The following TUFM variants were observed in gnomAD, a reference collection of about 807,000 sequenced individuals.
The protein encoded by TUFM is Tu translation elongation factor, mitochondrial.
In TUFM, 23 loss-of-function variants were observed where a neutral mutation model predicts 45.0. That is an observed-to-expected ratio of 0.51 (90% confidence interval 0.37 to 0.72). The LOEUF (loss-of-function observed/expected upper bound fraction) is 0.72. Among genes scored for constraint, TUFM ranks in the 30% least tolerant of loss-of-function variants. The pLI, the probability that TUFM is intolerant of heterozygous loss-of-function variation, is 0.00. For synonymous variants in TUFM, 243 were observed against 252.9 expected, an observed-to-expected ratio of 0.96 and a Z score of 0.37; for missense variants, 490 against 610.7, an observed-to-expected ratio of 0.80 and a Z score of 2.08.
rs983410236 is a variant in TUFM, at chr16:28,846,340, C to G, written c.-71G>C. The G allele has an allele frequency of 2.7e-5, 40 of 1,508,194 alleles. No individual in the cohort carries two copies. Among genetic ancestry groups the G allele is most frequent in the Non-Finnish European group, 3.2e-5 (36 of 1,115,578 alleles). The allele number at this position is 1,508,194 out of a possible 1,614,324, so 93.4% of individuals were successfully genotyped here. A position where few individuals can be genotyped will look rare whatever the true frequency, so the allele number is the denominator to read the frequency against. On this transcript the variant is annotated 5_prime_UTR_variant, in exon 1 of 10. Transcript: ENST00000313511. ...CACAGAAGAAGAAGGGCGCCTGCGG[C>G]TGGAAGGCACTTCCGGCGGAAGTTA...
In TUFM at chr16:28,844,698, C is replaced by T. The variant is rs1480006702; in HGVS notation, c.684G>A (p.Glu228=). ...CTGCCCTGCCTGACCCCGCGTTCACCTCAAGGGCACAGAGAGCAGAGCCTA... is the reference window on the plus strand; with the variant it reads ...CTGCCCTGCCTGACCCCGCGTTCACTTCAAGGGCACAGAGAGCAGAGCCTA... ...VIVGSALCAL[E]GRDPELGLKS... The change falls in exon 5 of 10, where the codon GAG becomes GAA. Residue 228 remains glutamate (E), a splice_region_variant and synonymous_variant. Coordinates refer to ENST00000313511, the MANE Select transcript of TUFM (RefSeq NM_003321.5). This position sits in a 1 kb window ranked among gnomAD's most constrained non-coding sequence, Gnocchi z 5.8. 6.2e-7 allele frequency: 1 copy of T among 1,614,190 alleles called. No individual in the cohort carries two copies. The highest frequency in any genetic ancestry group is 8.5e-7 in the Non-Finnish European group (1 of 1,180,024).
intron 3 of TUFM, 79 bp downstream of exon 3, chr16:28,845,235 T>C: frequency 1.2e-6 from 2 of 1,609,168 alleles, no homozygotes; most frequent in African/African-American, 2.7e-5. Flanking sequence ...AATATCTTAA[T>C]CTCCTCCCCA....
chr16:28,844,038 A>C lies in TUFM; in HGVS notation c.986T>G (p.Val329Gly). The change falls in exon 8 of 10, where the codon GTC becomes GGC. Residue 329 changes from valine (V) to glycine (G), a missense_variant. Physicochemically the swap from Val to Gly is moderately radical, Grantham distance 109. Transcript: ENST00000313511. This position sits in a 1 kb window ranked among gnomAD's most constrained non-coding sequence, Gnocchi z 5.8. ...AEAGDNLGAL[V>G]RGLKREDLRR... ...CAAGTCCTCCCGCTTCAAGCCTCGG[A>C]CCAGGGCCCCGAGGTTATCTCCGGC... 6.2e-7 allele frequency: 1 copy of C among 1,614,180 alleles called. No homozygotes were observed. The highest frequency in any genetic ancestry group is 8.5e-7 in the Non-Finnish European group (1 of 1,180,046).
chr16:28,845,880 A>ACT, intron 2 of TUFM, 32 bp downstream of exon 2: 1 of 1,610,742 alleles, frequency 6.2e-7, no homozygotes, highest in Non-Finnish European at 8.5e-7. Flanking sequence ...ATCAGTAGAT[A>ACT]GGGCGCTGCT....
At position 28,845,409 on chromosome 16, in the gene TUFM, G is replaced by A. The variant is rs772889529; in HGVS notation, c.319C>T (p.Arg107Trp). 12 of 1,613,900 alleles carry A rather than the reference G, an allele frequency of 7.4e-6. No individual in the cohort carries two copies. The highest frequency in any genetic ancestry group is 8.5e-7 in the Non-Finnish European group (1 of 1,179,996). ...EIDNAPEERA[R>W]GITINAAHVE... ...TGAGCCGCATTGATGGTGATACCCC[G>A]AGCTCGCTCCTCCGGGGCATTGTCA... is the stretch of plus-strand genomic sequence containing the variant. Residue 107 changes from arginine (R) to tryptophan (W), a missense_variant, in exon 3 of 10, where the codon CGG (arginine) becomes TGG (tryptophan). Transcript: ENST00000313511.
chr16:28,844,681 C>T lies in TUFM; in HGVS notation c.684+17G>A, dbSNP rs374058114. The T allele has an allele frequency of 2.5e-6, 4 of 1,614,172 alleles. No homozygotes were observed. The highest frequency in any genetic ancestry group is 3.4e-6 in the Non-Finnish European group (4 of 1,180,036). Reference sequence around the variant, plus strand: ...CCCACCCTCTGCAGCAGCTGCCCTGCCTGACCCCGCGTTCACCTCAAGGGC... The same window carrying T: ...CCCACCCTCTGCAGCAGCTGCCCTGTCTGACCCCGCGTTCACCTCAAGGGC... On this transcript the variant is annotated intron_variant, in intron 5 of 9. Transcript: ENST00000313511. The surrounding 1 kb of genome is among the most constrained non-coding windows in gnomAD (Gnocchi z 5.8).
rs745965626 is a variant in TUFM at position 28,844,766 on chromosome 16, G to A, written c.616C>T (p.Leu206Phe). ...ELVELEIREL[L>F]TEFGYKGEET... is the part of the protein sequence containing the mutation. The stretch of plus-strand genomic sequence containing the variant: ...TCCCCTTTATAGCCAAACTCGGTGA[G>A]CAGCTCCCGGATCTCCAGTTCCACC... Residue 206 changes from leucine (L) to phenylalanine (F), a missense_variant, in exon 5 of 10, where the codon CTC becomes TTC. Transcript: ENST00000313511. This position sits in a 1 kb window ranked among gnomAD's most constrained non-coding sequence, Gnocchi z 5.8. 1.9e-6 allele frequency: 3 copies of A among 1,614,166 alleles called. No homozygotes were observed. In the South Asian group the frequency reaches 3.3e-5, roughly 18 times the overall value.
In TUFM at chr16:28,846,036, G is replaced by A. The variant is rs776387932; in HGVS notation, c.123C>T (p.Leu41=). Residue 41 remains leucine (L), a synonymous_variant, in exon 2 of 10, where the codon CTC becomes CTT. Coordinates refer to ENST00000313511, the MANE Select transcript of TUFM (RefSeq NM_003321.5). ...LRLLKAPALP[L]LCRGLAVEAK... ...CCTCCACGGCCAGGCCGCGGCACAA[G>A]AGAGGCAATGCCGGGGCTTTCAGCA... is the stretch of plus-strand genomic sequence containing the variant. 5 of 1,613,830 alleles carry A rather than the reference G, an allele frequency of 3.1e-6. No individual in the cohort carries two copies. The highest frequency in any genetic ancestry group is 2.7e-5 in the African/African-American group (2 of 75,060).
rs781324296 is a variant in TUFM, at chr16:28,843,936, C to G, written c.1074+14G>C. 1 of 1,614,084 alleles carries G rather than the reference C, an allele frequency of 6.2e-7. No homozygotes were observed. The highest frequency in any genetic ancestry group is 2.2e-5 in the East Asian group (1 of 44,860). On this transcript the variant is annotated intron_variant, in intron 8 of 9. Coordinates refer to ENST00000313511, the MANE Select transcript of TUFM (RefSeq NM_003321.5). ...CTTGGCTCAACCCTGCCCACCGTCACCTGGAGCCCTCACCTGGGCCTCCAC... is the reference window on the plus strand; with the variant it reads ...CTTGGCTCAACCCTGCCCACCGTCAGCTGGAGCCCTCACCTGGGCCTCCAC...
intron 2 of TUFM, 125 bp from the exon 3 acceptor site, chr16:28,845,605 A>C: frequency 8.0e-7 from 1 of 1,253,920 alleles, no homozygotes; most frequent in African/African-American, 1.5e-5. Context: ...CTTCCAGCAG[A>C]GAGAACTGTG....
Sources: gnomAD v4.1 joint callset for allele counts on GRCh38, gnomAD v4.1.1 for gene constraint, Gnocchi (gnomAD v3.1) non-coding constraint, MANE v1.5 for transcripts, NCBI Gene and HGNC (gene_info 2026-07-23, HGNC 2026-07-21) for gene names.